The following RABGAP1L variants were observed in gnomAD, a reference collection of about 807,000 sequenced individuals.
RABGAP1L encodes rab GTPase-activating protein 1-like.
In RABGAP1L, 63 loss-of-function variants were observed where a neutral mutation model predicts 137.7. The ratio of observed to expected loss-of-function variants is 0.46; its 90% CI spans 0.37 to 0.56. RABGAP1L has a LOEUF of 0.56. RABGAP1L is among the 20% of genes least tolerant of loss of function. The pLI, the probability that RABGAP1L is intolerant of heterozygous loss-of-function variation, is 0.00. For synonymous variants in RABGAP1L, 431 were observed against 433.7 expected (o/e 0.99, Z 0.08); for missense variants, 1,095 against 1,244.0 (o/e 0.88, Z 1.80).
At chr1:174,676,298 G>A (rs1172682104) in intron 14 of RABGAP1L, among the ~76,000 whole-genome samples, 1 of 151,840 alleles carries the variant, frequency 6.6e-6, no homozygotes, top group East Asian at 1.9e-4. Context: ...TTAAATATTA[G>A]GGAATTCATA....
intron 1 of RABGAP1L, among the ~76,000 whole-genome samples, chr1:174,195,616 T>TCTTTCTTTCTTTCTTTCTTCCTTCCTTC: frequency 1.7e-5 from 1 of 57,572 alleles, no homozygotes; most frequent in Non-Finnish European, 3.9e-5. Context: ...TTTCTTTCTT[T>TCTTTCTTTCTTTCTTTCTTCCTTCCTTC]CTTCCTTCCT....
Position 174,619,443 on chromosome 1 carries a change from G to A in RABGAP1L, c.1711-17932G>A, listed in dbSNP as rs545783014. Among the ~76,000 whole-genome samples the A allele has an allele frequency of 5.0e-4, 76 of 152,252 alleles. 1 individual carries two copies. The highest frequency in any genetic ancestry group is 2.0e-3 in the Admixed American group (30 of 15,302). On this transcript the variant is annotated intron_variant, in intron 13 of 25. Coordinates refer to ENST00000681986, the MANE Select transcript of RABGAP1L (RefSeq NM_001366446.1). ...CCATCAGACTAACAGCAGATCTCTC[G>A]GCAGAAAGTCTACAAGCCAGAAGAG...
At chr1:174,251,333 T>C (rs1198637683) in intron 6 of RABGAP1L, among the ~76,000 whole-genome samples, 1 of 152,080 alleles carries the variant, frequency 6.6e-6, no homozygotes, top group Admixed American at 6.6e-5. Flanking sequence ...ACTGATAATA[T>C]ATGGTTTGAC....
intron 18 of RABGAP1L, among the ~76,000 whole-genome samples, chr1:174,792,958 C>A (rs1482724142): frequency 6.6e-6 from 1 of 152,012 alleles, no homozygotes; most frequent in Non-Finnish European, 1.5e-5. Flanking sequence ...CATGGTGAAA[C>A]CCCGTCTCTA....
intron 13 of RABGAP1L, among the ~76,000 whole-genome samples, chr1:174,621,998 A>G (rs1004945859): frequency 1.4e-5 from 2 of 144,454 alleles, no homozygotes; most frequent in African/African-American, 5.9e-5. Flanking sequence ...AACTCTAACA[A>G]ATCTACAAAC....
At chr1:174,914,334 A>C (rs1262412860) in intron 19 of RABGAP1L, among the ~76,000 whole-genome samples, 2 of 152,328 alleles carry the variant, frequency 1.3e-5, no homozygotes, top group African/African-American at 4.8e-5. Flanking sequence ...TTTTAGGGGC[A>C]CAAGTATCAA....
At chr1:174,197,810 A>AC (rs1285960473) in intron 1 of RABGAP1L, among the ~76,000 whole-genome samples, 1 of 152,078 alleles carries the variant, frequency 6.6e-6, no homozygotes, top group Non-Finnish European at 1.5e-5. Context: ...AAAAAAAAAA[A>AC]ATCTGTTATG....
intron 13 of RABGAP1L, among the ~76,000 whole-genome samples, chr1:174,473,590 A>G (rs1658180090): frequency 6.6e-6 from 1 of 152,164 alleles, no homozygotes; most frequent in Non-Finnish European, 1.5e-5. Context: ...TAATAGAAAG[A>G]TAGTTTTGGG....
At chr1:174,572,097 G>C (rs12083628) in intron 13 of RABGAP1L, among the ~76,000 whole-genome samples, 59,329 of 152,102 alleles carry the variant, frequency 0.39, 14,593 homozygotes, top group African/African-American at 0.7. Flanking sequence ...AAACTGAAAT[G>C]CAGGGGATTT....
chr1:174,773,178 G>GTGTGTGTGTGTGTGTGTT (rs1258639825), intron 18 of RABGAP1L, among the ~76,000 whole-genome samples: 1 of 151,758 alleles, frequency 6.6e-6, no homozygotes, highest in Admixed American at 6.6e-5. Context: ...GTGTGTGTGT[G>GTGTGTGTGTGTGTGTGTT]TGTGTTTATT....
chr1:174,256,779 CAACAA>C (rs544196363), intron 7 of RABGAP1L, among the ~76,000 whole-genome samples: 28 of 152,232 alleles, frequency 1.8e-4, no homozygotes, highest in East Asian at 7.7e-4. Context: ...GACTCCGTCT[CAACAA>C]AACAAAACAA....
chr1:174,800,396 C>T, intron 18 of RABGAP1L: 1 of 1,550,696 alleles, frequency 6.4e-7, no homozygotes, highest in Non-Finnish European at 8.7e-7. Context: ...CAAAAAGTCC[C>T]AGGACATGCA....
At chr1:174,621,221 A>G (rs563678938) in intron 13 of RABGAP1L, among the ~76,000 whole-genome samples, 38 of 152,364 alleles carry the variant, frequency 2.5e-4, no homozygotes, top group African/African-American at 8.9e-4. Context: ...AACAAATGGA[A>G]GAACATTCCA....
intron 13 of RABGAP1L, among the ~76,000 whole-genome samples, chr1:174,627,053 G>A (rs192093543): frequency 1.1e-4 from 16 of 152,150 alleles, no homozygotes; most frequent in Non-Finnish European, 1.9e-4. Flanking sequence ...AGATTGGTAC[G>A]GTATAATACT....
intron 1 of RABGAP1L, among the ~76,000 whole-genome samples, chr1:174,170,893 A>G (rs1665325074): frequency 1.3e-5 from 2 of 152,210 alleles, no homozygotes; most frequent in Admixed American, 6.5e-5. Flanking sequence ...TTTATTGGAT[A>G]ATATTTGAGA....
intron 10 of RABGAP1L, among the ~76,000 whole-genome samples, chr1:174,292,271 C>T (rs1352333332): frequency 6.7e-6 from 1 of 149,086 alleles, no homozygotes; most frequent in Non-Finnish European, 1.5e-5. Context: ...AGCAGTTCTC[C>T]TGCCTTGGCC....
chr1:174,228,483 A>G (rs1000768989), intron 3 of RABGAP1L, among the ~76,000 whole-genome samples: 2 of 152,208 alleles, frequency 1.3e-5, no homozygotes, highest in African/African-American at 2.4e-5. Flanking sequence ...TAAGAAAAGT[A>G]TGTAAAAACA....
chr1:174,946,240 A>C (rs115828764), intron 19 of RABGAP1L, among the ~76,000 whole-genome samples: 1 of 152,172 alleles, frequency 6.6e-6, no homozygotes, highest in Non-Finnish European at 1.5e-5. Flanking sequence ...AGGCTTATCA[A>C]AGGTCCTAGG....
chr1:174,687,526 A>G (rs1179636901), intron 15 of RABGAP1L, among the ~76,000 whole-genome samples: 2 of 152,208 alleles, frequency 1.3e-5, no homozygotes, highest in Non-Finnish European at 2.9e-5. Flanking sequence ...CAACCCATCC[A>G]TTCAACCAAT....
Sources: gnomAD v4.1 joint callset for allele counts (sites outside exome capture counted in the v4.1 genomes callset) on GRCh38, gnomAD v4.1.1 for gene constraint, MANE v1.5 for transcripts, NCBI Gene and HGNC (gene_info 2026-07-23, HGNC 2026-07-21) for gene names.